Variants in RUNX2 observed in about 807,000 individuals in gnomAD.
RUNX2 encodes RUNX family transcription factor 2.
RUNX2 carries 10 observed loss-of-function variants against 51.7 expected under a neutral mutation model. That is an observed-to-expected ratio of 0.19 (90% CI 0.12 to 0.33). RUNX2 has a LOEUF of 0.33. RUNX2 is among the 10% of genes least tolerant of loss of function. The probability of loss-of-function intolerance (pLI) is 1.00; values close to 1 mark genes in which losing one functional copy is unlikely to be tolerated. For synonymous variants in RUNX2, 276 were observed against 273.6 expected (o/e 1.01, Z -0.09); for missense variants, 562 against 691.3 (o/e 0.81, Z 2.10).
At chr6:45,434,509 T>C (rs1426585395) in intron 4 of RUNX2, among the ~76,000 whole-genome samples, 1 of 152,170 alleles carries the variant, frequency 6.6e-6, no homozygotes, top group East Asian at 1.9e-4. Flanking sequence ...TCTTAGATTA[T>C]AAAGGAGTCA....
intron 6 of RUNX2, among the ~76,000 whole-genome samples, chr6:45,505,753 G>A (rs1319166720): frequency 6.6e-6 from 1 of 152,140 alleles, no homozygotes; most frequent in African/African-American, 2.4e-5. Context: ...GTGGTTTATA[G>A]GATGGAAAGC....
chr6:45,466,042 A>G lies in RUNX2; in HGVS notation c.686-25899A>G, dbSNP rs528373812. Reference sequence around the variant, plus strand: ...AGAAAACTAAAAATAGGCCGAGTGCAGTGGCTCATGCCTGTAATCCCAGCA... The same window carrying G: ...AGAAAACTAAAAATAGGCCGAGTGCGGTGGCTCATGCCTGTAATCCCAGCA... On this transcript the variant is annotated intron_variant, in intron 5 of 8. Transcript: ENST00000647337. 1.1e-4 allele frequency among the ~76,000 whole-genome samples: 17 copies of G among 152,276 alleles called. No individual in the cohort carries two copies. The East Asian group carries it at 3.3e-3, about 29-fold the overall frequency.
intron 3 of RUNX2, among the ~76,000 whole-genome samples, chr6:45,426,725 T>C (rs1216398060): frequency 6.6e-6 from 1 of 152,218 alleles, no homozygotes; most frequent in Non-Finnish European, 1.5e-5. Context: ...CTAGCACTCA[T>C]AGTTAATTCT....
chr6:45,419,139 C>A (rs1798123073), intron 2 of RUNX2, among the ~76,000 whole-genome samples: 1 of 152,142 alleles, frequency 6.6e-6, no homozygotes, highest in African/African-American at 2.4e-5. Flanking sequence ...ATTTGGAAAG[C>A]CCCTCTGGTG....
At chr6:45,540,765 C>T (rs1802197046) in intron 7 of RUNX2, among the ~76,000 whole-genome samples, 1 of 152,134 alleles carries the variant, frequency 6.6e-6, no homozygotes, top group Non-Finnish European at 1.5e-5. Flanking sequence ...CCCTCTTTCC[C>T]CTTCATCTAG....
intron 2 of RUNX2, among the ~76,000 whole-genome samples, chr6:45,363,319 T>A (rs1394710462): frequency 1.3e-5 from 2 of 152,196 alleles, no homozygotes; most frequent in Admixed American, 6.5e-5. Flanking sequence ...TACTAACAAG[T>A]ATATTGTTTT....
chr6:45,363,362 T>C (rs1794591794), intron 2 of RUNX2, among the ~76,000 whole-genome samples: 1 of 152,194 alleles, frequency 6.6e-6, no homozygotes, highest in Admixed American at 6.5e-5. Context: ...ATAAGATGTC[T>C]GGGATTTGCT....
chr6:45,546,507 G>T (rs1802404176), intron 8 of RUNX2, among the ~76,000 whole-genome samples: 1 of 152,192 alleles, frequency 6.6e-6, no homozygotes, highest in Non-Finnish European at 1.5e-5. Flanking sequence ...AATCCATGAG[G>T]ATTTGGTTTT....
chr6:45,404,407 A>G (rs1476295829), intron 2 of RUNX2, among the ~76,000 whole-genome samples: 5 of 151,742 alleles, frequency 3.3e-5, no homozygotes, highest in Non-Finnish European at 7.4e-5. Context: ...TCCATTCCCC[A>G]TGGCCCTGCC....
At chr6:45,380,175 A>G (rs1188420994) in intron 2 of RUNX2, among the ~76,000 whole-genome samples, 2 of 152,240 alleles carry the variant, frequency 1.3e-5, no homozygotes, top group Non-Finnish European at 2.9e-5. Context: ...TAAACTATCA[A>G]TGGTACTAGG....
intron 6 of RUNX2, among the ~76,000 whole-genome samples, chr6:45,502,706 C>G (rs1800833084): frequency 6.6e-6 from 1 of 152,222 alleles, no homozygotes; most frequent in Non-Finnish European, 1.5e-5. Flanking sequence ...CACACCCTTT[C>G]CTGCACGCCT....
intron 5 of RUNX2, among the ~76,000 whole-genome samples, chr6:45,463,813 A>G (rs2150388395): frequency 6.6e-6 from 1 of 152,316 alleles, no homozygotes; most frequent in South Asian, 2.1e-4. Context: ...ATTAATGGAA[A>G]TGTTTCTATC....
At chr6:45,449,986 G>A (rs1047523707) in intron 5 of RUNX2, among the ~76,000 whole-genome samples, 1 of 152,158 alleles carries the variant, frequency 6.6e-6, no homozygotes, top group Non-Finnish European at 1.5e-5. Flanking sequence ...TACTAACATC[G>A]TGATGTGTAT....
chr6:45,485,187 T>A (rs1326816004), intron 5 of RUNX2, among the ~76,000 whole-genome samples: 3 of 149,372 alleles, frequency 2.0e-5, no homozygotes, highest in African/African-American at 7.3e-5. Flanking sequence ...TTCTTTTCTT[T>A]CTTTCTTTTT....
chr6:45,432,092 T>C, intron 4 of RUNX2, 73 bp downstream of exon 4: 6 of 1,380,702 alleles, frequency 4.3e-6, no homozygotes, highest in Non-Finnish European at 6.1e-6. Flanking sequence ...TAGACTAGTC[T>C]GTATACAAAT....
intron 5 of RUNX2, among the ~76,000 whole-genome samples, chr6:45,457,113 T>C (rs1347198799): frequency 1.3e-5 from 2 of 152,034 alleles, no homozygotes; most frequent in African/African-American, 2.4e-5. Flanking sequence ...ATCAGATACA[T>C]GTGAAGAAAA....
chr6:45,509,360 T>G (rs1289994197), intron 6 of RUNX2, among the ~76,000 whole-genome samples: 2 of 152,222 alleles, frequency 1.3e-5, no homozygotes, highest in East Asian at 1.9e-4. Context: ...ACTTAATATG[T>G]GCTAAGAGTG....
At chr6:45,502,994 C>G (rs1244438718) in intron 6 of RUNX2, among the ~76,000 whole-genome samples, 1 of 152,148 alleles carries the variant, frequency 6.6e-6, no homozygotes, top group African/African-American at 2.4e-5. Flanking sequence ...ATGATATTGC[C>G]TTCTTCCCAG....
chr6:45,430,084 A>C (rs1798496309), intron 3 of RUNX2, among the ~76,000 whole-genome samples: 1 of 129,192 alleles, frequency 7.7e-6, no homozygotes, highest in Non-Finnish European at 1.6e-5. Context: ...ATAGACTAAG[A>C]CTCCATCTCA....
Sources: gnomAD v4.1 joint callset for allele counts (sites outside exome capture counted in the v4.1 genomes callset) on GRCh38, gnomAD v4.1.1 for gene constraint, MANE v1.5 for transcripts, NCBI Gene and HGNC (gene_info 2026-07-23, HGNC 2026-07-21) for gene names.